ASIC1: variants seen among roughly 807,000 people sequenced by gnomAD.
The protein encoded by ASIC1 is acid-sensing ion channel 1.
Under a neutral mutation model 63.4 loss-of-function variants are expected in ASIC1, and 21 were observed. The ratio of observed to expected loss-of-function variants is 0.33; its 90% confidence interval spans 0.23 to 0.48. ASIC1 has a LOEUF of 0.48. Ranked by LOEUF, ASIC1 falls within the 20% of genes least tolerant of loss-of-function variation. ASIC1 has a pLI of 0.99. For missense variants in ASIC1, 478 were observed against 695.5 expected (o/e 0.69, Z 3.52); for synonymous variants, 258 against 278.2 (o/e 0.93, Z 0.72).
At chr12:50,058,078 G>C (rs796606665) in intron 1 of ASIC1, among the ~76,000 whole-genome samples, 162 bp downstream of exon 1, 26 of 152,114 alleles carry the variant, frequency 1.7e-4, no homozygotes, top group African/African-American at 6.0e-4. Flanking sequence ...AGCTGGACTG[G>C]GGGGGGCTGC....
chr12:50,080,848 A>C (rs1338181432), intron 9 of ASIC1: 1 of 905,782 alleles, frequency 1.1e-6, no homozygotes, highest in Non-Finnish European at 1.7e-6. Context: ...ATATGCCCCT[A>C]AACTAAGAGG....
At chr12:50,060,288 C>G (rs1405063280) in intron 3 of ASIC1, among the ~76,000 whole-genome samples, 1 of 152,188 alleles carries the variant, frequency 6.6e-6, no homozygotes, top group Non-Finnish European at 1.5e-5. Context: ...GCTGAGCAGA[C>G]AGGTGGGTAA....
intron 11 of ASIC1, 57 bp downstream of exon 11, chr12:50,081,421 A>T: frequency 1.7e-5 from 26 of 1,486,642 alleles, no homozygotes; most frequent in Admixed American, 2.0e-5. Context: ...CGCCCCAGGA[A>T]CCCCGTCCAC....
At chr12:50,079,082 C>T in intron 7 of ASIC1, 102 bp downstream of exon 7, 1 of 1,139,314 alleles carries the variant, frequency 8.8e-7, no homozygotes, top group Non-Finnish European at 1.3e-6. Flanking sequence ...CACATAACTC[C>T]TGGACTGGGC....
Position 50,080,431 on chromosome 12 carries a change from G to A in ASIC1, c.1206-67G>A, listed in dbSNP as rs1464449235. 9.3e-6 allele frequency: 14 copies of A among 1,500,952 alleles called. No homozygotes were observed. The Admixed American group carries it at 2.5e-4, about 27-fold the overall frequency. 93.0% of individuals were successfully genotyped at this position (1,500,952 alleles called of 1,614,324 possible). On this transcript the variant is annotated intron_variant, in intron 8 of 11. Transcript: ENST00000447966. ...GATTCAGAGAGGCTGCCTTGCCAAG[G>A]TCACCTGGTTAGTAAGAGATAGAGA... is the stretch of plus-strand genomic sequence containing the variant.
intron 3 of ASIC1, among the ~76,000 whole-genome samples, chr12:50,075,120 T>A (rs951790956): frequency 1.6e-4 from 25 of 151,936 alleles, no homozygotes; most frequent in African/African-American, 5.8e-4. Flanking sequence ...ACTGCTCTCC[T>A]GCCCCACCAG....
intron 3 of ASIC1, among the ~76,000 whole-genome samples, chr12:50,069,205 T>A (rs1406679393): frequency 2.2e-5 from 3 of 138,862 alleles, no homozygotes; most frequent in African/African-American, 7.6e-5. Context: ...CACACACAAA[T>A]ATATACACAC....
rs1365973374 is a variant in ASIC1, at chr12:50,074,094, G to T, written c.559-3119G>T. The T allele has an allele frequency of 1.3e-5, 20 of 1,535,518 alleles. No individual in the cohort carries two copies. Among genetic ancestry groups the T allele is most frequent in the Non-Finnish European group, 1.7e-5 (20 of 1,146,546 alleles). ...GACTGGATGAAAGTGATGACCCCGG[G>T]GTGCCCCTCGCTCCACCGGGCCCTG... On this transcript the variant is annotated intron_variant, in intron 3 of 11. Coordinates refer to ENST00000447966, the MANE Select transcript of ASIC1 (RefSeq NM_001095.4). This position sits in a 1 kb window ranked among gnomAD's most constrained non-coding sequence, Gnocchi z 4.2.
chr12:50,079,572 A>T (rs1297246136), intron 7 of ASIC1, among the ~76,000 whole-genome samples: 5 of 152,146 alleles, frequency 3.3e-5, no homozygotes, highest in African/African-American at 4.8e-5. Flanking sequence ...AAGAGTAAGA[A>T]ATATCCATGG....
intron 7 of ASIC1, 28 bp downstream of exon 7, chr12:50,079,008 G>C (rs372231774): frequency 5.0e-6 from 8 of 1,608,814 alleles, no homozygotes; most frequent in Admixed American, 3.4e-5. Context: ...GGGGCAGTCT[G>C]GGGGAGGGAA....
chr12:50,059,549 G>A lies in ASIC1; in HGVS notation c.363-210G>A, dbSNP rs796195490. On this transcript the variant is annotated intron_variant, in intron 2 of 11. Transcript: ENST00000447966. This position sits in a 1 kb window ranked among gnomAD's most constrained non-coding sequence, Gnocchi z 4.6. ...TATCCATGCTTCCTCTCACCCATGTGCTGGGATGGGATGCCCTGCCCCTGG... is the reference window on the plus strand; with the variant it reads ...TATCCATGCTTCCTCTCACCCATGTACTGGGATGGGATGCCCTGCCCCTGG... 8.5e-5 allele frequency among the ~76,000 whole-genome samples: 13 copies of A among 152,298 alleles called. No homozygotes were observed. Among genetic ancestry groups the A allele is most frequent in the African/African-American group, 2.9e-4 (12 of 41,554 alleles).
intron 4 of ASIC1, 42 bp from the exon 5 acceptor site, chr12:50,077,956 GGA>G: frequency 6.3e-7 from 1 of 1,578,462 alleles, no homozygotes; most frequent in South Asian, 1.2e-5. Flanking sequence ...GGGGTGTTAG[GGA>G]GTCAGGAGCC....
At chr12:50,071,746 A>G (rs1330536200) in intron 3 of ASIC1, among the ~76,000 whole-genome samples, 2 of 152,082 alleles carry the variant, frequency 1.3e-5, no homozygotes, top group Non-Finnish European at 2.9e-5. Flanking sequence ...CCCGGGTTCA[A>G]GCGATTCTTC....
intron 3 of ASIC1, among the ~76,000 whole-genome samples, chr12:50,072,366 G>C (rs1053159159): frequency 6.6e-6 from 1 of 152,130 alleles, no homozygotes; most frequent in Non-Finnish European, 1.5e-5. Context: ...CTTGGCCCTG[G>C]AGACTTGGCT....
At chr12:50,069,805 G>A (rs1408452823) in intron 3 of ASIC1, among the ~76,000 whole-genome samples, 2 of 152,094 alleles carry the variant, frequency 1.3e-5, no homozygotes, top group African/African-American at 4.8e-5. Context: ...CATGAGGGCA[G>A]GTCCATGATG....
chr12:50,071,753 C>A (rs1012902883), intron 3 of ASIC1, among the ~76,000 whole-genome samples: 4 of 152,210 alleles, frequency 2.6e-5, no homozygotes, highest in Non-Finnish European at 5.9e-5. Flanking sequence ...TCAAGCGATT[C>A]TTCTGCCTCA....
In ASIC1 at chr12:50,081,247, G is replaced by A. The variant is rs554272130; in HGVS notation, c.1378-13G>A. ...GGGGTCCAGCCCGCCCACCTGCCCC[G>A]TCCCCGTCCTAGGTCATTAAGCACA... On this transcript the variant is annotated splice_polypyrimidine_tract_variant and intron_variant, in intron 10 of 11. Transcript: ENST00000447966. The A allele has an allele frequency of 1.1e-5, 18 of 1,605,198 alleles. No homozygotes were observed. Among genetic ancestry groups the A allele is most frequent in the South Asian group, 2.2e-5 (2 of 89,634 alleles).
chr12:50,074,259 A>G lies in ASIC1; in HGVS notation c.559-2954A>G, dbSNP rs1314043415. ...ACTTCTCAGTGGTGAGTGGAGCCCC[A>G]TGCCTGCCACAGTACCCCAAGAGTG... On this transcript the variant is annotated intron_variant, in intron 3 of 11. Coordinates refer to ENST00000447966, the MANE Select transcript of ASIC1 (RefSeq NM_001095.4). This position sits in a 1 kb window ranked among gnomAD's most constrained non-coding sequence, Gnocchi z 4.2. 4.1e-6 allele frequency: 6 copies of G among 1,455,342 alleles called. No homozygotes were observed. The highest frequency in any genetic ancestry group is 1.4e-5 in the South Asian group (1 of 72,628). 90.2% of individuals were successfully genotyped at this position (1,455,342 alleles called of 1,614,324 possible).
chr12:50,078,748 T>A lies in ASIC1; in HGVS notation c.994+171T>A. On this transcript the variant is annotated intron_variant, in intron 6 of 11. Coordinates refer to ENST00000447966, the MANE Select transcript of ASIC1 (RefSeq NM_001095.4). This position sits in a 1 kb window ranked among gnomAD's most constrained non-coding sequence, Gnocchi z 6.0. ...TCCCGCCTGCACCCCCAGGGATGGG[T>A]GGGAAGGGTCTAGAAGGTATGGACC... The A allele has an allele frequency of 1.5e-6, 2 of 1,332,998 alleles. No homozygotes were observed. Among genetic ancestry groups the A allele is most frequent in the Non-Finnish European group, 2.1e-6 (2 of 940,446 alleles). 82.6% of individuals were successfully genotyped at this position (1,332,998 alleles called of 1,614,324 possible).
Sources: allele counts gnomAD v4.1 joint callset (sites outside exome capture counted in the v4.1 genomes callset), GRCh38; gene constraint gnomAD v4.1.1; non-coding constraint Gnocchi (gnomAD v3.1); transcripts MANE v1.5; gene names NCBI Gene and HGNC (gene_info 2026-07-23, HGNC 2026-07-21).